The following MYH13 variants were observed in gnomAD, a reference collection of about 807,000 sequenced individuals.
The protein encoded by MYH13 is myosin heavy chain 13.
Under a neutral mutation model 232.1 loss-of-function variants are expected in MYH13, and 177 were observed. The ratio of observed to expected loss-of-function variants is 0.76; its 90% CI spans 0.67 to 0.86. MYH13 has a LOEUF of 0.86. Among genes scored for constraint, MYH13 ranks in the 40% least tolerant of loss-of-function variants. The probability of loss-of-function intolerance (pLI) is 0.00; values close to 1 mark genes in which losing one functional copy is unlikely to be tolerated. For synonymous variants in MYH13, 884 were observed against 923.5 expected (o/e 0.96, Z 0.78); for missense variants, 2,246 against 2,405.9 (o/e 0.93, Z 1.39).
rs369886316 is a variant in MYH13 at position 10,309,862 on chromosome 17, C to G, written c.4657-32G>C. The G allele has an allele frequency of 2.4e-5, 36 of 1,509,584 alleles. No individual in the cohort carries two copies. The South Asian group carries it at 3.6e-4, about 15-fold the overall frequency. 93.5% of individuals were successfully genotyped at this position (1,509,584 alleles called of 1,614,324 possible). A position where few individuals can be genotyped will look rare whatever the true frequency, so the allele number is the denominator to read the frequency against. ...AAAGCAAAGGAGTGATTGAGAGTGC[C>G]GTGGACATCCACCTTCATGAATGGG... On this transcript the variant is annotated intron_variant, in intron 33 of 40. Coordinates refer to ENST00000252172, the MANE Select transcript of MYH13 (RefSeq NM_003802.3).
At chr17:10,310,666 G>A (rs1019295707) in intron 33 of MYH13, among the ~76,000 whole-genome samples, 1 of 152,106 alleles carries the variant, frequency 6.6e-6, no homozygotes, top group South Asian at 2.1e-4. Flanking sequence ...GTTATCCTGT[G>A]TCGGTTCGTA....
In MYH13 at chr17:10,306,323, G is replaced by T; in HGVS notation, c.5466+136C>A. ...AAGAGGTGAGAAATGAAGCTCACAG[G>T]GAATTTTTCAAGCAGTCCTGAAACT... is the stretch of plus-strand genomic sequence containing the variant. On this transcript the variant is annotated intron_variant, in intron 37 of 40. Coordinates refer to ENST00000252172, the MANE Select transcript of MYH13 (RefSeq NM_003802.3). This position sits in a 1 kb window ranked among gnomAD's most constrained non-coding sequence, Gnocchi z 4.3. 8.7e-7 allele frequency: 1 copy of T among 1,154,772 alleles called. No individual in the cohort carries two copies. The highest frequency in any genetic ancestry group is 1.2e-6 in the Non-Finnish European group (1 of 826,996). 71.5% of individuals were successfully genotyped at this position (1,154,772 alleles called of 1,614,324 possible).
rs367783054 is a variant in MYH13, at chr17:10,362,181, G to A, written c.442C>T (p.Arg148Cys). ...AAGATGTGGGGCGGGGCCTCCTGGC[G>A]CTTTTTGCCTCTGTAGGCAGCCACC... Reference protein sequence around the residue: ...EVVAAYRGKKRQEAPPHIFSI... With the variant: ...EVVAAYRGKKCQEAPPHIFSI... Residue 148 changes from arginine (R) to cysteine (C), a missense_variant, in exon 5 of 41, where the codon CGC becomes TGC. Arg to Cys is a radical substitution (Grantham distance 180). Coordinates refer to ENST00000252172, the MANE Select transcript of MYH13 (RefSeq NM_003802.3). 8.8e-5 allele frequency: 142 copies of A among 1,613,774 alleles called. 1 individual carries two copies. The South Asian group carries it at 9.2e-4, about 10-fold the overall frequency.
chr17:10,355,867 T>G (rs1278829186), intron 8 of MYH13, among the ~76,000 whole-genome samples: 1 of 66,346 alleles, frequency 1.5e-5, no homozygotes, highest in Non-Finnish European at 3.0e-5. Context: ...TTTTTTTTTT[T>G]GCTTGTATCT....
At chr17:10,355,437 GTC>G (rs909191070) in intron 8 of MYH13, among the ~76,000 whole-genome samples, 1 of 152,104 alleles carries the variant, frequency 6.6e-6, no homozygotes, top group Non-Finnish European at 1.5e-5. Flanking sequence ...TCACTAACAT[GTC>G]TCTCAGTTCA....
At chr17:10,355,288 T>C in intron 8 of MYH13, 141 bp from the exon 9 acceptor site, 1 of 922,200 alleles carries the variant, frequency 1.1e-6, no homozygotes, top group East Asian at 2.7e-5. Flanking sequence ...TTGGTGAACC[T>C]TCTGGATTTG....
Position 10,365,240 on chromosome 17 carries a change from TAAG to T in MYH13, c.-12-701_-12-699del, listed in dbSNP as rs2071825278. ...TGATCTCAGTGTCAGTTTAAAATCT[TAAG>T]AATATTTGAAAATCGTCACTGGAAT... On this transcript the variant is annotated intron_variant, in intron 2 of 40. Transcript: ENST00000252172. Among the ~76,000 whole-genome samples, 4 of 152,360 alleles carry T rather than the reference TAAG, an allele frequency of 2.6e-5. No homozygotes were observed. In the South Asian group the frequency reaches 8.3e-4, roughly 32 times the overall value.
chr17:10,366,381 G>GTTTGTTTTTTTTTTTT (rs2071837334), intron 2 of MYH13, among the ~76,000 whole-genome samples: 1 of 112,638 alleles, frequency 8.9e-6, no homozygotes, highest in African/African-American at 3.2e-5. Context: ...AAATAAATCT[G>GTTTGTTTTTTTTTTTT]TTTTTTTTTT....
At chr17:10,342,861 C>G (rs371003155) in intron 16 of MYH13, among the ~76,000 whole-genome samples, 1 of 151,902 alleles carries the variant, frequency 6.6e-6, no homozygotes, top group African/African-American at 2.4e-5. Context: ...GAGGTCGAGG[C>G]GGGTGGATCA....
At chr17:10,334,553 C>G (rs968024254) in intron 18 of MYH13, among the ~76,000 whole-genome samples, 3 of 152,016 alleles carry the variant, frequency 2.0e-5, no homozygotes, top group Non-Finnish European at 4.4e-5. Context: ...CTAGAGAAAA[C>G]ATGGTTGAGA....
chr17:10,366,009 T>C (rs2071833963), intron 2 of MYH13, among the ~76,000 whole-genome samples: 1 of 152,064 alleles, frequency 6.6e-6, no homozygotes, highest in Admixed American at 6.6e-5. Context: ...TTCTTTTATG[T>C]AATGTATTGT....
intron 26 of MYH13, among the ~76,000 whole-genome samples, chr17:10,319,788 G>T (rs1906866404): frequency 1.3e-5 from 2 of 152,118 alleles, no homozygotes; most frequent in South Asian, 2.1e-4. Flanking sequence ...TATATTTTTT[G>T]GGGAGTCTTA....
In MYH13 at chr17:10,318,990, T is replaced by G. The variant is rs1906829631; in HGVS notation, c.3538A>C (p.Arg1180=). 1 of 1,614,158 alleles carries G rather than the reference T, an allele frequency of 6.2e-7. No homozygotes were observed. The highest frequency in any genetic ancestry group is 8.5e-7 in the Non-Finnish European group (1 of 1,180,026). The change falls in exon 27 of 41, where the codon AGG becomes CGG. Residue 1180 remains arginine, a synonymous_variant. Transcript: ENST00000252172. ...TGCAGGGTGGCCTCCTCCAGGTCCC[T>G]GCGCATTTTCTGGAACTCAGCCTCC... The part of the protein sequence containing the change: ...KREAEFQKMR[R]DLEEATLQHE...
chr17:10,351,077 C>G (rs962505770), intron 11 of MYH13, among the ~76,000 whole-genome samples: 1 of 151,792 alleles, frequency 6.6e-6, no homozygotes, highest in Non-Finnish European at 1.5e-5. Context: ...AAAAATTAGC[C>G]AGGCATGGTG....
Position 10,332,079 on chromosome 17 carries a change from C to G in MYH13, c.2298+20G>C. The G allele has an allele frequency of 6.2e-7, 1 of 1,613,056 alleles. No homozygotes were observed. The highest frequency in any genetic ancestry group is 8.5e-7 in the Non-Finnish European group (1 of 1,179,464). ...GGGCTGTGGGGTTACTAGGGGAGTC[C>G]CAGCCTTGCCTGTGCTCACCTTGGT... On this transcript the variant is annotated intron_variant, in intron 20 of 40. Transcript: ENST00000252172.
intron 7 of MYH13, among the ~76,000 whole-genome samples, chr17:10,358,293 G>C (rs2071764872): frequency 6.6e-6 from 1 of 152,096 alleles, no homozygotes; most frequent in Non-Finnish European, 1.5e-5. Flanking sequence ...TTTTTATGTA[G>C]CAAAAACTTA....
At chr17:10,322,827 G>A (rs1253596193) in intron 23 of MYH13, among the ~76,000 whole-genome samples, 3 of 152,038 alleles carry the variant, frequency 2.0e-5, no homozygotes, top group Non-Finnish European at 2.9e-5. Flanking sequence ...TAGAGACGGG[G>A]TTTCACCATG....
intron 23 of MYH13, among the ~76,000 whole-genome samples, chr17:10,322,620 T>C (rs575550726): frequency 1.5e-3 from 222 of 149,570 alleles, no homozygotes; most frequent in African/African-American, 5.2e-3. Context: ...TCATTTACAA[T>C]GTTACAGTTG....
intron 23 of MYH13, among the ~76,000 whole-genome samples, chr17:10,322,443 T>C (rs1906988520): frequency 6.6e-6 from 1 of 152,048 alleles, no homozygotes; most frequent in Non-Finnish European, 1.5e-5. Flanking sequence ...ACGGGAGTGC[T>C]GTGTTATCAG....
Sources: gnomAD v4.1 joint callset for allele counts (sites outside exome capture counted in the v4.1 genomes callset) on GRCh38, gnomAD v4.1.1 for gene constraint, Gnocchi (gnomAD v3.1) non-coding constraint, MANE v1.5 for transcripts, NCBI Gene and HGNC (gene_info 2026-07-23, HGNC 2026-07-21) for gene names.